The following ABCB1 variants were observed in gnomAD, a reference collection of about 807,000 sequenced individuals.
ABCB1 encodes ATP-dependent translocase ABCB1.
ABCB1 carries 69 observed loss-of-function variants against 142.0 expected under a neutral mutation model. That is an observed-to-expected ratio of 0.49 (90% CI 0.40 to 0.59). The LOEUF (loss-of-function observed/expected upper bound fraction) is 0.59, where lower values mean the gene tolerates loss of function less well. ABCB1 is among the 20% of genes least tolerant of loss of function. ABCB1 has a pLI of 0.00. For missense variants in ABCB1, 1,326 were observed against 1,554.7 expected (o/e 0.85, Z 2.47); for synonymous variants, 532 against 539.2 (o/e 0.99, Z 0.18).
chr7:87,521,544 T>C, intron 21 of ABCB1: 1 of 756,396 alleles, frequency 1.3e-6, no homozygotes, highest in Admixed American at 1.7e-5. Flanking sequence ...GGTTGACCAA[T>C]GAGAGCCTGA....
At chr7:87,625,617 CAA>C (rs1820388068) in intron 1 of ABCB1, among the ~76,000 whole-genome samples, 1 of 152,158 alleles carries the variant, frequency 6.6e-6, no homozygotes, top group African/African-American at 2.4e-5. Context: ...ATTGCCAGCG[CAA>C]ATATTTTGCT....
chr7:87,593,274 C>G (rs1819068929), intron 3 of ABCB1, among the ~76,000 whole-genome samples: 1 of 152,130 alleles, frequency 6.6e-6, no homozygotes, highest in African/African-American at 2.4e-5. Flanking sequence ...AAATTACAGC[C>G]CAGCTCTATG....
chr7:87,588,299 C>T (rs1044628196), intron 3 of ABCB1, among the ~76,000 whole-genome samples: 1 of 151,974 alleles, frequency 6.6e-6, no homozygotes, highest in East Asian at 1.9e-4. Context: ...GCCTAGTACT[C>T]GTTAGTTATT....
intron 1 of ABCB1, among the ~76,000 whole-genome samples, chr7:87,678,397 A>C (rs751366065): frequency 3.3e-5 from 5 of 152,236 alleles, no homozygotes; most frequent in African/African-American, 1.2e-4. Flanking sequence ...AAATGCTAAA[A>C]TGTTAACTGT....
chr7:87,637,368 G>A (rs953493574), intron 1 of ABCB1, among the ~76,000 whole-genome samples: 1 of 152,062 alleles, frequency 6.6e-6, no homozygotes, highest in African/African-American at 2.4e-5. Context: ...AAGTTATCTA[G>A]CTTTATTTTT....
At chr7:87,517,323 T>C (rs1240442699) in intron 23 of ABCB1, among the ~76,000 whole-genome samples, 1 of 152,064 alleles carries the variant, frequency 6.6e-6, no homozygotes, top group Non-Finnish European at 1.5e-5. Context: ...CAGGGGGCCT[T>C]ATATGCTTTG....
intron 1 of ABCB1, among the ~76,000 whole-genome samples, chr7:87,658,456 A>G (rs1478495806): frequency 6.6e-6 from 1 of 152,206 alleles, no homozygotes; most frequent in Non-Finnish European, 1.5e-5. Context: ...GAGAAGAAAG[A>G]AGGTGGGACT....
At chr7:87,531,551 T>G in intron 20 of ABCB1, 54 bp from the exon 21 acceptor site, 1 of 1,542,276 alleles carries the variant, frequency 6.5e-7, no homozygotes, top group Non-Finnish European at 8.9e-7. Context: ...TCACAACTCA[T>G]GCTTCTATTT....
chr7:87,550,891 T>G, intron 9 of ABCB1, 53 bp from the exon 10 acceptor site: 1 of 1,084,892 alleles, frequency 9.2e-7, no homozygotes, highest in Non-Finnish European at 1.4e-6. Context: ...ACAGCAATTT[T>G]TTTTCATACT....
At chr7:87,573,334 T>C (rs1300830785) in intron 4 of ABCB1, among the ~76,000 whole-genome samples, 2 of 152,200 alleles carry the variant, frequency 1.3e-5, no homozygotes, top group Admixed American at 1.3e-4. Context: ...TCTCAGTTAC[T>C]GACCCCTTAT....
intron 4 of ABCB1, among the ~76,000 whole-genome samples, chr7:87,570,945 G>A (rs1202438283): frequency 2.0e-5 from 3 of 152,066 alleles, no homozygotes; most frequent in African/African-American, 7.2e-5. Flanking sequence ...GTATATATAT[G>A]TGTGTATCTA....
chr7:87,549,700 A>G, intron 13 of ABCB1, 151 bp downstream of exon 13: 2 of 1,298,764 alleles, frequency 1.5e-6, no homozygotes, highest in East Asian at 2.3e-5. Flanking sequence ...ACCAGTTGAT[A>G]CTGCTAGAGC....
chr7:87,671,914 A>G (rs1439650883), intron 1 of ABCB1, among the ~76,000 whole-genome samples: 1 of 152,178 alleles, frequency 6.6e-6, no homozygotes, highest in Non-Finnish European at 1.5e-5. Flanking sequence ...TGGAAAACAC[A>G]GGCAGGAGTG....
chr7:87,544,899 A>G lies in ABCB1; in HGVS notation c.1988T>C (p.Ile663Thr). The G allele has an allele frequency of 6.2e-7, 1 of 1,614,102 alleles. No homozygotes were observed. Among genetic ancestry groups the G allele is most frequent in the South Asian group, 1.1e-5 (1 of 91,086 alleles). ...ACTCCTACGAGTTGATCTTTTTCTTATTAGACTGGATCTTGAATCATTTGA... is the reference window on the plus strand; with the variant it reads ...ACTCCTACGAGTTGATCTTTTTCTTGTTAGACTGGATCTTGAATCATTTGA... ...MSSNDSRSSL[I>T]RKRSTRRSVR... Residue 663 changes from isoleucine to threonine, a missense_variant, in exon 16 of 28, where the codon ATA becomes ACA. By Grantham distance (89) the Ile-to-Thr change is moderately conservative. Transcript: ENST00000622132.
At chr7:87,521,115 AT>A in intron 21 of ABCB1, 1 of 501,340 alleles carries the variant, frequency 2.0e-6, no homozygotes. Flanking sequence ...ACTTAAATGG[AT>A]TATGGCATTG....
At chr7:87,626,077 C>CATATATATAT (rs372003612) in intron 1 of ABCB1, among the ~76,000 whole-genome samples, 1 of 84,320 alleles carries the variant, frequency 1.2e-5, no homozygotes, top group African/African-American at 5.9e-5. Context: ...CAGGCTGAGA[C>CATATATATAT]ATATATATAT....
chr7:87,582,579 G>C (rs770403472), intron 4 of ABCB1, among the ~76,000 whole-genome samples: 2 of 152,146 alleles, frequency 1.3e-5, no homozygotes, highest in African/African-American at 2.4e-5. Flanking sequence ...CTACTTCAGA[G>C]ATTGGCAACC....
At chr7:87,583,050 G>A (rs962819888) in intron 4 of ABCB1, among the ~76,000 whole-genome samples, 2 of 152,082 alleles carry the variant, frequency 1.3e-5, no homozygotes, top group African/African-American at 4.8e-5. Context: ...GAAAATTGAG[G>A]TAGTATCACA....
chr7:87,669,212 A>G (rs1197385020), intron 1 of ABCB1, among the ~76,000 whole-genome samples: 1 of 151,920 alleles, frequency 6.6e-6, no homozygotes. Context: ...GTTGAATTGA[A>G]TCCTTTACCA....
Sources: allele counts gnomAD v4.1 joint callset (sites outside exome capture counted in the v4.1 genomes callset), GRCh38; gene constraint gnomAD v4.1.1; transcripts MANE v1.5; gene names NCBI Gene and HGNC (gene_info 2026-07-23, HGNC 2026-07-21).